Variants in RNF217 observed in about 807,000 individuals in gnomAD.
RNF217 encodes E3 ubiquitin-protein ligase RNF217.
RNF217 carries 31 observed loss-of-function variants against 57.8 expected under a neutral mutation model. That is an observed-to-expected ratio of 0.54 (90% CI 0.40 to 0.72). The LOEUF is 0.72. RNF217 is among the 30% of genes least tolerant of loss of function. RNF217 has a pLI of 0.00. For missense variants in RNF217, 696 were observed against 708.3 expected (o/e 0.98, Z 0.20); for synonymous variants, 313 against 294.0 (o/e 1.06, Z -0.66).
At chr6:125,000,334 T>C (rs548085436) in intron 1 of RNF217, among the ~76,000 whole-genome samples, 1 of 152,170 alleles carries the variant, frequency 6.6e-6, no homozygotes, top group African/African-American at 2.4e-5. Flanking sequence ...CAAGACTCTT[T>C]TACTATAGTG....
intron 4 of RNF217, among the ~76,000 whole-genome samples, chr6:125,079,323 A>G (rs1788488442): frequency 6.6e-6 from 1 of 152,126 alleles, no homozygotes; most frequent in African/African-American, 2.4e-5. Flanking sequence ...CAAAAATTCT[A>G]AGTTTTAAAT....
chr6:124,981,586 A>C lies in RNF217; in HGVS notation c.882+18160A>C, dbSNP rs112011277. Among the ~76,000 whole-genome samples the C allele has an allele frequency of 3.9e-3, 591 of 152,296 alleles. 6 individuals carry two copies. The highest frequency in any genetic ancestry group is 0.013 in the African/African-American group (561 of 41,566). ...TCTGGCTCAGTGAATCTGCCTTTTT[A>C]CATAAACAGCAAGGCAGAGAAAGCA... is the stretch of plus-strand genomic sequence containing the variant. On this transcript the variant is annotated intron_variant, in intron 1 of 5. Coordinates refer to ENST00000521654, the MANE Select transcript of RNF217 (RefSeq NM_001286398.3).
chr6:125,089,380 G>C lies in RNF217; in HGVS notation c.*6443G>C, dbSNP rs776061638. ...AAAAAGGGTTATAGGTATGGTTTAT[G>C]GTCTTTGTTTCAGCAAAACGTCCTA... On this transcript the variant is annotated 3_prime_UTR_variant, in exon 6 of 6. Coordinates refer to ENST00000521654, the MANE Select transcript of RNF217 (RefSeq NM_001286398.3). 6.6e-6 allele frequency: 1 copy of C among 152,124 alleles called. No homozygotes were observed. Among genetic ancestry groups the C allele is most frequent in the African/African-American group, 2.4e-5 (1 of 41,426 alleles). 9.4% of individuals were successfully genotyped at this position (152,124 alleles called of 1,614,324 possible).
intron 1 of RNF217, among the ~76,000 whole-genome samples, chr6:124,991,319 T>C (rs543095108): frequency 6.6e-6 from 1 of 152,342 alleles, no homozygotes; most frequent in Non-Finnish European, 1.5e-5. Flanking sequence ...TAGCTGTTCA[T>C]CTTTCCCATA....
intron 1 of RNF217, among the ~76,000 whole-genome samples, chr6:125,015,528 T>G (rs1348208517): frequency 6.6e-6 from 1 of 152,032 alleles, no homozygotes; most frequent in Non-Finnish European, 1.5e-5. Context: ...TTAAGCTATT[T>G]TAGAAAAGAA....
chr6:125,016,789 TG>T lies in RNF217; in HGVS notation c.883-28416del, dbSNP rs965032288. 7.5e-5 allele frequency among the ~76,000 whole-genome samples: 8 copies of T among 105,994 alleles called. No individual in the cohort carries two copies. The East Asian group carries it at 1.8e-3, about 24-fold the overall frequency. The allele number at this position is 105,994 out of a possible 152,430, so 69.5% of individuals were successfully genotyped here. ...TCACACACCGGGGCCTGTGAGGGGG[TG>T]GGGGGCAAGGGGAGGAATAACATTA... On this transcript the variant is annotated intron_variant, in intron 1 of 5. Transcript: ENST00000521654.
At chr6:125,068,463 C>CT (rs1260759971) in intron 3 of RNF217, among the ~76,000 whole-genome samples, 1 of 152,170 alleles carries the variant, frequency 6.6e-6, no homozygotes, top group African/African-American at 2.4e-5. Context: ...TGTCTTCATA[C>CT]TTTCTACTTT....
intron 1 of RNF217, among the ~76,000 whole-genome samples, chr6:124,990,789 G>A (rs777410898): frequency 2.2e-4 from 33 of 152,138 alleles, no homozygotes; most frequent in Non-Finnish European, 4.0e-4. Context: ...GCCAAATTGG[G>A]CATGGTGGCT....
At chr6:124,990,981 C>T (rs1784539634) in intron 1 of RNF217, among the ~76,000 whole-genome samples, 1 of 152,150 alleles carries the variant, frequency 6.6e-6, no homozygotes, top group African/African-American at 2.4e-5. Flanking sequence ...GTGGGAAGAT[C>T]ACATGACCCC....
intron 1 of RNF217, among the ~76,000 whole-genome samples, chr6:124,976,070 G>T (rs903308356): frequency 5.3e-5 from 8 of 151,824 alleles, no homozygotes; most frequent in Non-Finnish European, 1.2e-4. Context: ...AACTTATATG[G>T]TATATGTGTA....
chr6:125,080,573 G>A (rs1562499568), intron 4 of RNF217, among the ~76,000 whole-genome samples: 1 of 152,048 alleles, frequency 6.6e-6, no homozygotes. Context: ...TTTGAGTTGT[G>A]CGGCCCTGAA....
chr6:124,973,813 A>G (rs923750151), intron 1 of RNF217, among the ~76,000 whole-genome samples: 4 of 152,152 alleles, frequency 2.6e-5, no homozygotes, highest in Admixed American at 2.0e-4. Flanking sequence ...TCCAGAACCT[A>G]GGAACATAAA....
chr6:124,995,555 TG>T (rs935066703), intron 1 of RNF217, among the ~76,000 whole-genome samples: 1 of 152,232 alleles, frequency 6.6e-6, no homozygotes, highest in African/African-American at 2.4e-5. Context: ...GACAGCAATT[TG>T]TTCATTTTTC....
intron 3 of RNF217, among the ~76,000 whole-genome samples, chr6:125,071,536 G>GTATATATA (rs566500658): frequency 1.4e-5 from 2 of 143,148 alleles, no homozygotes; most frequent in Admixed American, 1.5e-4. Context: ...GTGTGTGTGT[G>GTATATATA]TATATCTTAT....
chr6:125,030,651 G>GGT (rs1372475617), intron 1 of RNF217, among the ~76,000 whole-genome samples: 1 of 152,212 alleles, frequency 6.6e-6, no homozygotes, highest in Non-Finnish European at 1.5e-5. Context: ...TGATGCAAGA[G>GGT]GTGGGTTCCC....
intron 2 of RNF217, among the ~76,000 whole-genome samples, chr6:125,056,823 G>C (rs1035984424): frequency 3.3e-5 from 5 of 152,128 alleles, no homozygotes; most frequent in Non-Finnish European, 5.9e-5. Context: ...TATGCTTTTA[G>C]AGAGTTAGGA....
chr6:124,967,268 G>A (rs142498466), intron 1 of RNF217, among the ~76,000 whole-genome samples: 259 of 152,244 alleles, frequency 1.7e-3, no homozygotes, highest in African/African-American at 5.8e-3. Flanking sequence ...CTAAGTATTG[G>A]CCTTCTCAGC....
intron 3 of RNF217, among the ~76,000 whole-genome samples, chr6:125,066,001 TC>T (rs1158947915): frequency 6.6e-6 from 1 of 152,202 alleles, no homozygotes; most frequent in East Asian, 1.9e-4. Context: ...ACTCCAGTCT[TC>T]CAGCTGCTCA....
Position 125,072,585 on chromosome 6 carries a change from A to G in RNF217, c.1282-4072A>G, listed in dbSNP as rs529272932. Among the ~76,000 whole-genome samples, 4 of 152,334 alleles carry G rather than the reference A, an allele frequency of 2.6e-5. No homozygotes were observed. The East Asian group carries it at 7.7e-4, about 29-fold the overall frequency. On this transcript the variant is annotated intron_variant, in intron 3 of 5. Coordinates refer to ENST00000521654, the MANE Select transcript of RNF217 (RefSeq NM_001286398.3). ...GGCCACATAAAGATTTTAGAACCCAATGAAGCAATATTACAAACAGATATA... is the reference window on the plus strand; with the variant it reads ...GGCCACATAAAGATTTTAGAACCCAGTGAAGCAATATTACAAACAGATATA...
Sources: allele counts gnomAD v4.1 joint callset (sites outside exome capture counted in the v4.1 genomes callset), GRCh38; gene constraint gnomAD v4.1.1; transcripts MANE v1.5; gene names NCBI Gene and HGNC (gene_info 2026-07-23, HGNC 2026-07-21).